MBNL1: variants seen among roughly 807,000 people sequenced by gnomAD.
The protein encoded by MBNL1 is muscleblind-like protein 1.
Under a neutral mutation model 42.2 loss-of-function variants are expected in MBNL1, and 8 were observed. The ratio of observed to expected loss-of-function variants is 0.19; its 90% CI spans 0.11 to 0.34. The LOEUF (loss-of-function observed/expected upper bound fraction) is 0.34, where lower values mean the gene tolerates loss of function less well. MBNL1 is among the 10% of genes least tolerant of loss of function. The pLI is 1.00. For missense variants in MBNL1, 309 were observed against 495.3 expected, an observed-to-expected ratio of 0.62 and a Z score of 3.57; for synonymous variants, 169 against 173.9, an observed-to-expected ratio of 0.97 and a Z score of 0.22.
At chr3:152,391,574 T>C (rs2097717777) in intron 2 of MBNL1, among the ~76,000 whole-genome samples, 1 of 152,218 alleles carries the variant, frequency 6.6e-6, no homozygotes, top group Non-Finnish European at 1.5e-5. Flanking sequence ...CAGAAAACTT[T>C]TGGAAGGAAG....
chr3:152,284,740 A>G (rs966316235), intron 1 of MBNL1, among the ~76,000 whole-genome samples: 2 of 152,112 alleles, frequency 1.3e-5, no homozygotes, highest in South Asian at 4.1e-4. Context: ...TCAGTTTTAT[A>G]CTTTTAAAGC....
intron 2 of MBNL1, chr3:152,300,809 A>G (rs77831409): frequency 0.089 from 27,647 of 309,778 alleles, 1,464 homozygotes; most frequent in Middle Eastern, 0.17. Flanking sequence ...CTAAACTTGG[A>G]TAGACTTTTT....
chr3:152,287,793 A>T (rs141599528), intron 1 of MBNL1, among the ~76,000 whole-genome samples: 2 of 152,346 alleles, frequency 1.3e-5, no homozygotes, highest in African/African-American at 4.8e-5. Flanking sequence ...TATGATGCTG[A>T]TGGAAACATG....
At chr3:152,305,812 C>T (rs1332380134) in intron 2 of MBNL1, among the ~76,000 whole-genome samples, 1 of 152,218 alleles carries the variant, frequency 6.6e-6, no homozygotes, top group East Asian at 1.9e-4. Context: ...CTTATACTAA[C>T]AGCAACTACA....
At chr3:152,423,178 A>G (rs765017221) in intron 3 of MBNL1, among the ~76,000 whole-genome samples, 6 of 152,200 alleles carry the variant, frequency 3.9e-5, no homozygotes, top group Non-Finnish European at 7.4e-5. Flanking sequence ...AAGATTCACA[A>G]AATAGATGGA....
Position 152,404,754 on chromosome 3 carries a change from T to C in MBNL1, c.175-10187T>C, listed in dbSNP as rs2098378277. Among the ~76,000 whole-genome samples the C allele has an allele frequency of 3.3e-5, 5 of 149,414 alleles. No individual in the cohort carries two copies. The South Asian group carries it at 1.0e-3, about 31-fold the overall frequency. On this transcript the variant is annotated intron_variant, in intron 2 of 9. Transcript: ENST00000324210. ...TAACTTTTTCATTATATAATAGTTTTTAAATTATTTTATATCTAAATATAA... is the reference window on the plus strand; with the variant it reads ...TAACTTTTTCATTATATAATAGTTTCTAAATTATTTTATATCTAAATATAA...
intron 3 of MBNL1, among the ~76,000 whole-genome samples, chr3:152,430,318 A>ACCC (rs2153742337): frequency 6.6e-6 from 1 of 152,332 alleles, no homozygotes; most frequent in South Asian, 2.1e-4. Context: ...ATAGTAGATT[A>ACCC]TGTGCAATAA....
chr3:152,453,116 T>C (rs62272745), intron 6 of MBNL1, among the ~76,000 whole-genome samples: 4 of 152,044 alleles, frequency 2.6e-5, no homozygotes, highest in Non-Finnish European at 5.9e-5. Context: ...ATCCAACTGA[T>C]TGTTAACTTT....
At position 152,463,631 on chromosome 3, in the gene MBNL1, G is replaced by A. The variant is rs1801768; in HGVS notation, c.*1265G>A. ...TGGGTGAATTTTATATGTGATTTTT[G>A]TTTTGTTTTGTTTTGTTCAGATTAA... On this transcript the variant is annotated 3_prime_UTR_variant, in exon 10 of 10. Transcript: ENST00000324210. The A allele has an allele frequency of 1.5e-3, 223 of 152,140 alleles. No homozygotes were observed. The highest frequency in any genetic ancestry group is 5.1e-3 in the African/African-American group (212 of 41,434). 9.4% of individuals were successfully genotyped at this position (152,140 alleles called of 1,614,324 possible).
intron 2 of MBNL1, chr3:152,335,369 G>A (rs1003100058): frequency 1.2e-5 from 9 of 775,178 alleles, no homozygotes; most frequent in South Asian, 5.8e-5. Context: ...GAGAGGAACC[G>A]TGGTTTTCAC....
At chr3:152,368,033 G>A (rs2096491932) in intron 2 of MBNL1, among the ~76,000 whole-genome samples, 1 of 151,636 alleles carries the variant, frequency 6.6e-6, no homozygotes, top group South Asian at 2.1e-4. Flanking sequence ...AGTTTAATTA[G>A]ATCACAATTG....
At chr3:152,398,615 G>T (rs762668829) in intron 2 of MBNL1, among the ~76,000 whole-genome samples, 1 of 152,132 alleles carries the variant, frequency 6.6e-6, no homozygotes, top group African/African-American at 2.4e-5. Context: ...CTCTTGCCTG[G>T]ACTGTTAACA....
intron 1 of MBNL1, among the ~76,000 whole-genome samples, chr3:152,289,264 G>A (rs181845291): frequency 1.3e-5 from 2 of 151,912 alleles, no homozygotes; most frequent in African/African-American, 4.8e-5. Flanking sequence ...GACATATAGT[G>A]GAGTAATATA....
At chr3:152,445,144 C>T in intron 4 of MBNL1, 138 bp from the exon 5 acceptor site, 3 of 647,048 alleles carry the variant, frequency 4.6e-6, no homozygotes, top group South Asian at 4.8e-5. Flanking sequence ...GCTGAAGTTA[C>T]TTGTTGCCTT....
intron 2 of MBNL1, among the ~76,000 whole-genome samples, chr3:152,307,106 C>T (rs1245760469): frequency 6.6e-6 from 1 of 152,090 alleles, no homozygotes; most frequent in East Asian, 1.9e-4. Context: ...TCTCCTGCCT[C>T]AACCTCCCGA....
At chr3:152,364,178 T>C (rs1396457238) in intron 2 of MBNL1, among the ~76,000 whole-genome samples, 1 of 152,102 alleles carries the variant, frequency 6.6e-6, no homozygotes, top group Non-Finnish European at 1.5e-5. Flanking sequence ...ATAGAGGCTA[T>C]AGTAATAATC....
intron 2 of MBNL1, among the ~76,000 whole-genome samples, chr3:152,353,985 C>T (rs1340097007): frequency 6.6e-6 from 1 of 152,138 alleles, no homozygotes; most frequent in Non-Finnish European, 1.5e-5. Flanking sequence ...TTGGTTGCTA[C>T]ATGATAGAGA....
chr3:152,322,667 A>T (rs944605662), intron 2 of MBNL1, among the ~76,000 whole-genome samples: 6 of 152,062 alleles, frequency 3.9e-5, no homozygotes, highest in Admixed American at 6.6e-5. Flanking sequence ...TTTCATTTAT[A>T]ATCACTAATT....
chr3:152,345,316 C>T (rs1345395536), intron 2 of MBNL1, among the ~76,000 whole-genome samples: 2 of 151,980 alleles, frequency 1.3e-5, no homozygotes, highest in Non-Finnish European at 2.9e-5. Flanking sequence ...GTTTAATCTG[C>T]TTTATTTTAC....
Sources: gnomAD v4.1 joint callset for allele counts (sites outside exome capture counted in the v4.1 genomes callset) on GRCh38, gnomAD v4.1.1 for gene constraint, MANE v1.5 for transcripts, NCBI Gene and HGNC (gene_info 2026-07-23, HGNC 2026-07-21) for gene names.